GPR157: variants seen among roughly 807,000 people sequenced by gnomAD.
GPR157 encodes the protein G protein-coupled receptor 157.
A neutral mutation model predicts 23.5 loss-of-function variants in GPR157; 16 were observed. That is an observed-to-expected ratio of 0.68 (90% CI 0.46 to 1.04). The LOEUF (loss-of-function observed/expected upper bound fraction) is 1.04, where lower values mean the gene tolerates loss of function less well. GPR157 is among the 50% of genes least tolerant of loss of function. GPR157 has a pLI of 0.00. For synonymous variants in GPR157, 200 were observed against 221.5 expected, an observed-to-expected ratio of 0.90 and a Z score of 0.86; for missense variants, 440 against 460.7, an observed-to-expected ratio of 0.96 and a Z score of 0.41.
intron 1 of GPR157, among the ~76,000 whole-genome samples, chr1:9,123,732 ATATATATTTAATAT>A (rs1469406743): frequency 3.2e-4 from 40 of 123,154 alleles, no homozygotes; most frequent in African/African-American, 6.1e-4. Flanking sequence ...ATAATTTTAA[ATATATATTTAATAT>A]TATATATTTA....
chr1:9,123,172 AAAATAT>A (rs1638838006), intron 1 of GPR157, among the ~76,000 whole-genome samples: 1 of 125,506 alleles, frequency 8.0e-6, no homozygotes. Context: ...GGAAAAAAAA[AAAATAT>A]ATATATATAT....
intron 2 of GPR157, chr1:9,111,034 T>C (rs921041419): frequency 3.5e-6 from 2 of 567,344 alleles, no homozygotes; most frequent in African/African-American, 3.8e-5. Flanking sequence ...CGTTTCCTTA[T>C]CTACAAAGGA....
Position 9,111,424 on chromosome 1 carries a change from G to A in GPR157, c.449C>T (p.Ser150Leu), listed in dbSNP as rs764427384. The part of the protein sequence containing the change: ...VALKKIGYDA[S>L]DVSVGWCWID... ...CCAGCACCAGCCCACAGACACGTCC[G>A]AGGCGTCATAGCCAATCTTCTTCAG... Residue 150 changes from serine to leucine, a missense_variant, in exon 2 of 4, where the codon TCG (serine) becomes TTG (leucine). Transcript: ENST00000377411. 64 of 1,614,160 alleles carry A rather than the reference G, an allele frequency of 4.0e-5. No individual in the cohort carries two copies. In the South Asian group the frequency reaches 5.9e-4, roughly 15 times the overall value.
intron 2 of GPR157, among the ~76,000 whole-genome samples, chr1:9,108,140 C>T (rs1423445988): frequency 6.6e-6 from 1 of 152,038 alleles, no homozygotes; most frequent in African/African-American, 2.4e-5. Context: ...ATGCTGACGG[C>T]CCAGGGGAGG....
Position 9,108,224 on chromosome 1 carries a change from C to T in GPR157, c.598-2544G>A, listed in dbSNP as rs577436615. Among the ~76,000 whole-genome samples the T allele has an allele frequency of 5.9e-5, 9 of 152,252 alleles. No individual in the cohort carries two copies. The East Asian group carries it at 1.5e-3, about 26-fold the overall frequency. ...TGCTGCATCGTGGTATCTCTCAGCC[C>T]CCAATCTTCTGCAACTAACCTGCTC... is the stretch of plus-strand genomic sequence containing the variant. On this transcript the variant is annotated intron_variant, in intron 2 of 3. Transcript: ENST00000377411.
intron 1 of GPR157, among the ~76,000 whole-genome samples, chr1:9,112,400 G>C (rs1638531805): frequency 1.3e-5 from 2 of 152,200 alleles, no homozygotes; most frequent in Non-Finnish European, 2.9e-5. Flanking sequence ...GGGTCAACGG[G>C]GACCTTTGAA....
Position 9,111,406 on chromosome 1 carries a change from C to T in GPR157, c.467G>A (p.Trp156Ter). 1 of 1,614,224 alleles carries T rather than the reference C, an allele frequency of 6.2e-7. No homozygotes were observed. Among genetic ancestry groups the T allele is most frequent in the South Asian group, 1.1e-5 (1 of 91,092 alleles). ...CTTGGCCTCCAGGTCGATCCAGCAC[C>T]AGCCCACAGACACGTCCGAGGCGTC... is the stretch of plus-strand genomic sequence containing the variant. ...GYDASDVSVG[W>*]CWIDLEAKDH... The change falls in exon 2 of 4, where the codon TGG (tryptophan) becomes TAG (stop). Residue 156 changes from tryptophan to a stop codon, truncating the protein, a stop_gained. Transcript: ENST00000377411. LOFTEE classifies it high-confidence loss of function.
In GPR157 at chr1:9,105,698, G is replaced by C; in HGVS notation, c.598-18C>G. On this transcript the variant is annotated intron_variant, in intron 2 of 3. Coordinates refer to ENST00000377411, the MANE Select transcript of GPR157 (RefSeq NM_024980.5). The surrounding 1 kb of genome is among the most constrained non-coding windows in gnomAD (Gnocchi z 4.8). ...GCCGTGTGCTGTGTGGGGACAGCGA[G>C]GGCAGACTTGAGTGGATAGGCACCC... 6 of 1,582,020 alleles carry C rather than the reference G, an allele frequency of 3.8e-6. No homozygotes were observed. Among genetic ancestry groups the C allele is most frequent in the Non-Finnish European group, 4.3e-6 (5 of 1,161,632 alleles).
rs1638259838 is a variant in GPR157 at position 9,105,068 on chromosome 1, CATGCAT to C, written c.792+412_792+417del. Among the ~76,000 whole-genome samples, 1 of 144,476 alleles carries C rather than the reference CATGCAT, an allele frequency of 6.9e-6. No individual in the cohort carries two copies. The highest frequency in any genetic ancestry group is 2.6e-5 in the African/African-American group (1 of 37,820). 94.8% of individuals were successfully genotyped at this position (144,476 alleles called of 152,430 possible). ...ACACACACACACACACACACACACA[CATGCAT>C]ACACACATGCATACATGCACACACA... On this transcript the variant is annotated intron_variant, in intron 3 of 3. Transcript: ENST00000377411. This position sits in a 1 kb window ranked among gnomAD's most constrained non-coding sequence, Gnocchi z 4.8.
At chr1:9,115,511 A>G (rs907829897) in intron 1 of GPR157, among the ~76,000 whole-genome samples, 4 of 152,056 alleles carry the variant, frequency 2.6e-5, no homozygotes, top group Non-Finnish European at 5.9e-5. Flanking sequence ...AGACATAGAA[A>G]ACAAGACATA....
chr1:9,112,731 G>A (rs1025402352), intron 1 of GPR157, among the ~76,000 whole-genome samples: 1 of 152,172 alleles, frequency 6.6e-6, no homozygotes, highest in Admixed American at 6.5e-5. Context: ...GGGATTATAG[G>A]CCTGAGCCAC....
chr1:9,119,795 G>A (rs1260409421), intron 1 of GPR157, among the ~76,000 whole-genome samples: 1 of 152,174 alleles, frequency 6.6e-6, no homozygotes, highest in Admixed American at 6.5e-5. Flanking sequence ...GCCCTTTTTG[G>A]AACTCAACAC....
At chr1:9,110,571 C>T (rs757048761) in intron 2 of GPR157, among the ~76,000 whole-genome samples, 17 of 152,070 alleles carry the variant, frequency 1.1e-4, no homozygotes, top group Non-Finnish European at 1.8e-4. Context: ...AATGAGTGAC[C>T]GAGTGGATCA....
At position 9,128,867 on chromosome 1, in the gene GPR157, G is replaced by A. The variant is rs1639029470; in HGVS notation, c.161C>T (p.Ser54Leu). Reference sequence around the variant, plus strand: ...GGCGGCCGAGAGCAGGTCGGCCAGCGACAGGAAGAGCAGCAGGCGCCGTGC... The same window carrying A: ...GGCGGCCGAGAGCAGGTCGGCCAGCAACAGGAAGAGCAGCAGGCGCCGTGC... Reference protein sequence around the residue: ...SRARRLLLFLSLADLLSAASY... With the variant: ...SRARRLLLFLLLADLLSAASY... Residue 54 changes from serine to leucine, a missense_variant, in exon 1 of 4, where the codon TCG becomes TTG. Transcript: ENST00000377411. This position sits in a 1 kb window ranked among gnomAD's most constrained non-coding sequence, Gnocchi z 6.3. 1 of 1,578,132 alleles carries A rather than the reference G, an allele frequency of 6.3e-7. No homozygotes were observed.
chr1:9,123,974 G>A (rs972335153), intron 1 of GPR157, among the ~76,000 whole-genome samples: 5 of 151,310 alleles, frequency 3.3e-5, no homozygotes, highest in South Asian at 2.1e-4. Context: ...GACTGCAGCC[G>A]CACACCACCA....
chr1:9,108,219 C>T (rs898638524), intron 2 of GPR157, among the ~76,000 whole-genome samples: 21 of 152,166 alleles, frequency 1.4e-4, no homozygotes, highest in African/African-American at 4.8e-4. Context: ...TGGTATCTCT[C>T]AGCCCCCAAT....
At position 9,100,743 on chromosome 1, in the gene GPR157, T is replaced by C. The variant is rs565724533; in HGVS notation, c.*3676A>G. 2 of 152,392 alleles carry C rather than the reference T, an allele frequency of 1.3e-5. No homozygotes were observed. Among genetic ancestry groups the C allele is most frequent in the South Asian group, 4.1e-4 (2 of 4,824 alleles). 9.4% of individuals were successfully genotyped at this position (152,392 alleles called of 1,614,324 possible). On this transcript the variant is annotated 3_prime_UTR_variant, in exon 4 of 4. Coordinates refer to ENST00000377411, the MANE Select transcript of GPR157 (RefSeq NM_024980.5). ...ACTAACAGAGGAGAAAGAAGCCCAC[T>C]GGGGCTGTGCAAAGTGTCCAAGGAG...
chr1:9,113,942 C>CAA (rs1266388600), intron 1 of GPR157, among the ~76,000 whole-genome samples: 1 of 119,620 alleles, frequency 8.4e-6, no homozygotes, highest in Non-Finnish European at 1.7e-5. Flanking sequence ...GACCCTGTCT[C>CAA]AAAAAAAAAA....
intron 2 of GPR157, among the ~76,000 whole-genome samples, chr1:9,106,457 G>C (rs558338698): frequency 6.6e-6 from 1 of 152,162 alleles, no homozygotes; most frequent in Non-Finnish European, 1.5e-5. Context: ...GTCGCAGCGG[G>C]GCCAACCCTT....
Sources: allele counts gnomAD v4.1 joint callset (sites outside exome capture counted in the v4.1 genomes callset), GRCh38; gene constraint gnomAD v4.1.1; non-coding constraint Gnocchi (gnomAD v3.1); transcripts MANE v1.5; gene names NCBI Gene and HGNC (gene_info 2026-07-23, HGNC 2026-07-21).